Variants in SOX30 observed in about 807,000 individuals in gnomAD.
SOX30 encodes SRY-box transcription factor 30.
A neutral mutation model predicts 58.6 loss-of-function variants in SOX30; 17 were observed. The observed-to-expected ratio is 0.29, with a 90% CI of 0.20 to 0.44. The LOEUF (loss-of-function observed/expected upper bound fraction) is 0.44, where lower values mean the gene tolerates loss of function less well. Ranked by LOEUF, SOX30 falls within the 20% of genes least tolerant of loss-of-function variation. SOX30 has a pLI of 1.00. For missense variants in SOX30, 951 were observed against 965.8 expected (o/e 0.98, Z 0.20); for synonymous variants, 421 against 400.2 (o/e 1.05, Z -0.62).
chr5:157,643,292 T>C (rs552597100), intron 3 of SOX30, among the ~76,000 whole-genome samples: 3 of 152,270 alleles, frequency 2.0e-5, no homozygotes, highest in East Asian at 3.9e-4. Flanking sequence ...TGGTGGTGCA[T>C]GCCTATAATC....
upstream of SOX30, among the ~76,000 whole-genome samples, chr5:157,655,166 G>T (rs1030437043): frequency 1.3e-5 from 2 of 152,084 alleles, no homozygotes; most frequent in Admixed American, 6.6e-5. Flanking sequence ...CATCTTTCTG[G>T]CAACTATGGA....
chr5:157,644,359 A>C (rs1476529368), intron 3 of SOX30, among the ~76,000 whole-genome samples: 1 of 152,184 alleles, frequency 6.6e-6, no homozygotes, highest in Non-Finnish European at 1.5e-5. Context: ...CAAACAAAAA[A>C]ATCATTCTTG....
At chr5:157,663,985 G>C (rs950926965) in intron 2 of SOX30, among the ~76,000 whole-genome samples, 1 of 151,934 alleles carries the variant, frequency 6.6e-6, no homozygotes, top group Non-Finnish European at 1.5e-5. Context: ...CATGCTCATG[G>C]ATAGGAAGAA....
chr5:157,669,608 C>T (rs1233506421), intron 1 of SOX30, among the ~76,000 whole-genome samples: 1 of 151,882 alleles, frequency 6.6e-6, no homozygotes, highest in African/African-American at 2.4e-5. Context: ...CCTCCGCCTC[C>T]CGGGTTCGAC....
At chr5:157,658,708 G>A (rs775304116) in intron 2 of SOX30, among the ~76,000 whole-genome samples, 2 of 152,126 alleles carry the variant, frequency 1.3e-5, no homozygotes, top group African/African-American at 2.4e-5. Context: ...CAACCCTTAG[G>A]ATTAAAATTA....
chr5:157,659,867 G>A (rs1276933338), intron 2 of SOX30, among the ~76,000 whole-genome samples: 1 of 152,242 alleles, frequency 6.6e-6, no homozygotes, highest in Non-Finnish European at 1.5e-5. Context: ...CTTATCTAAA[G>A]ACCTAGAATC....
At chr5:157,663,235 G>T (rs1305113069) in intron 2 of SOX30, among the ~76,000 whole-genome samples, 1 of 152,096 alleles carries the variant, frequency 6.6e-6, no homozygotes, top group Non-Finnish European at 1.5e-5. Context: ...CCAGCAGCAC[G>T]TCAAAAAGCT....
intron 4 of SOX30, among the ~76,000 whole-genome samples, chr5:157,633,054 C>T (rs774056565): frequency 1.3e-5 from 2 of 152,018 alleles, no homozygotes; most frequent in Non-Finnish European, 2.9e-5. Context: ...GCAGACAGAG[C>T]AAGACTCTCA....
chr5:157,646,563 G>T, intron 3 of SOX30, 74 bp downstream of exon 3: 1 of 1,066,336 alleles, frequency 9.4e-7, no homozygotes, highest in Non-Finnish European at 1.4e-6. Context: ...CTAACAGAAA[G>T]AACACTTCAA....
Position 157,637,023 on chromosome 5 carries a change from C to G in SOX30, c.1880+1207G>C, listed in dbSNP as rs772593548. On this transcript the variant is annotated intron_variant, in intron 4 of 4. Transcript: ENST00000265007. Reference sequence around the variant, plus strand: ...TGACGCATGCCTGTAATCCCAACTACTCAGGAGGCTGAGGCAGGAGAATCG... The same window carrying G: ...TGACGCATGCCTGTAATCCCAACTAGTCAGGAGGCTGAGGCAGGAGAATCG... Among the ~76,000 whole-genome samples, 221 of 151,574 alleles carry G rather than the reference C, an allele frequency of 1.5e-3. 2 individuals carry two copies. The highest frequency in any genetic ancestry group is 8.1e-4 in the Non-Finnish European group (55 of 67,966).
In SOX30 at chr5:157,651,359, C is replaced by G. The variant is rs1339492160; in HGVS notation, c.720G>C (p.Ala240=). The change falls in exon 1 of 5, where the codon GCG becomes GCC. Residue 240 remains alanine (A), a synonymous_variant. Coordinates refer to ENST00000265007, the MANE Select transcript of SOX30 (RefSeq NM_178424.2). ...CGGACGTTGGGGCCAAGATGACCTC[C>G]GCGCTGCCATGAACCAGGCCATTGG... The part of the protein sequence containing the change: ...PASNGLVHGS[A]EVILAPTSGA... 4 of 1,613,838 alleles carry G rather than the reference C, an allele frequency of 2.5e-6. No individual in the cohort carries two copies. The highest frequency in any genetic ancestry group is 2.2e-5 in the South Asian group (2 of 91,076).
In SOX30 at chr5:157,646,731, G is replaced by T. The variant is rs1258965288; in HGVS notation, c.1293C>A (p.Ile431=). ...AAACTGTTGTAGGATTTGTAGAGAT[G>T]ATATTCTGTGTGGTACCAGAAAATA... The part of the protein sequence containing the change: ...SNVFSGTTQN[I]ISTNPTTVYP... Residue 431 remains isoleucine (I), a synonymous_variant, in exon 3 of 5, where the codon ATC becomes ATA. Coordinates refer to ENST00000265007, the MANE Select transcript of SOX30 (RefSeq NM_178424.2). 5.0e-6 allele frequency: 8 copies of T among 1,612,524 alleles called. No individual in the cohort carries two copies. Among genetic ancestry groups the T allele is most frequent in the Non-Finnish European group, 5.9e-6 (7 of 1,178,532 alleles).
At chr5:157,641,771 C>T (rs890962470) in intron 3 of SOX30, among the ~76,000 whole-genome samples, 2 of 152,156 alleles carry the variant, frequency 1.3e-5, no homozygotes, top group Non-Finnish European at 2.9e-5. Flanking sequence ...GAGTTTGCCC[C>T]ATAATAGGAT....
intron 4 of SOX30, among the ~76,000 whole-genome samples, chr5:157,632,493 A>G (rs1317925625): frequency 5.3e-5 from 8 of 152,204 alleles, no homozygotes; most frequent in African/African-American, 1.9e-4. Context: ...GGGCACCTGT[A>G]ATCCCAGCTA....
At chr5:157,647,294 C>CTCG (rs1759216965) in intron 2 of SOX30, among the ~76,000 whole-genome samples, 1 of 152,072 alleles carries the variant, frequency 6.6e-6, no homozygotes, top group African/African-American at 2.4e-5. Context: ...AACTCCTGAC[C>CTCG]TCGTGATCCG....
At position 157,625,772 on chromosome 5, in the gene SOX30, A is replaced by C. The variant is rs188924030; in HGVS notation, c.*568T>G. 20 of 152,800 alleles carry C rather than the reference A, an allele frequency of 1.3e-4. No homozygotes were observed. Among genetic ancestry groups the C allele is most frequent in the Admixed American group, 1.2e-3 (19 of 15,302 alleles). The allele number at this position is 152,800 out of a possible 1,614,324, so 9.5% of individuals were successfully genotyped here. A position where few individuals can be genotyped will look rare whatever the true frequency, so the allele number is the denominator to read the frequency against. On this transcript the variant is annotated 3_prime_UTR_variant, in exon 5 of 5. Transcript: ENST00000265007. ...TAAAATGATAAAAATATTTAGAAAC[A>C]GAAATGACTAAATTTAGCTGAAGAA...
rs752819566 is a variant in SOX30 at position 157,638,253 on chromosome 5, G to A, written c.1857C>T (p.Pro619=). ...ACCTTGATGGGAAGTAGTGAGGTCCGGGTAGGAAGTAAGGGTGATGAAAAG... is the reference window on the plus strand; with the variant it reads ...ACCTTGATGGGAAGTAGTGAGGTCCAGGTAGGAAGTAAGGGTGATGAAAAG... ...RFSFHHPYFL[P]GPHYFPSSTC... Residue 619 remains proline (P), a synonymous_variant, in exon 4 of 5, where the codon CCC becomes CCT. Transcript: ENST00000265007. The A allele has an allele frequency of 3.1e-5, 48 of 1,540,206 alleles. No homozygotes were observed. The highest frequency in any genetic ancestry group is 5.5e-5 in the African/African-American group (4 of 72,724).
intron 1 of SOX30, among the ~76,000 whole-genome samples, chr5:157,670,784 G>A (rs952880180): frequency 3.3e-5 from 5 of 152,194 alleles, no homozygotes; most frequent in African/African-American, 1.2e-4. Context: ...TACACAAGAG[G>A]GAAGTGAGAC....
At chr5:157,632,861 G>A (rs1277533473) in intron 4 of SOX30, among the ~76,000 whole-genome samples, 1 of 152,140 alleles carries the variant, frequency 6.6e-6, no homozygotes, top group African/African-American at 2.4e-5. Context: ...GGCTAAGGCA[G>A]GCAGATCACT....
Sources: gnomAD v4.1 joint callset for allele counts (sites outside exome capture counted in the v4.1 genomes callset) on GRCh38, gnomAD v4.1.1 for gene constraint, MANE v1.5 for transcripts, NCBI Gene and HGNC (gene_info 2026-07-23, HGNC 2026-07-21) for gene names.